Variants in FHIP2B observed in about 807,000 individuals in gnomAD.
FHIP2B encodes FHF complex subunit HOOK-interacting protein 2B.
A neutral mutation model predicts 84.0 loss-of-function variants in FHIP2B; 72 were observed. The observed-to-expected ratio is 0.86, with a 90% CI of 0.71 to 1.04. FHIP2B has a LOEUF of 1.04. FHIP2B is among the 50% of genes least tolerant of loss of function. The pLI, the probability that FHIP2B is intolerant of heterozygous loss-of-function variation, is 0.00. For synonymous variants in FHIP2B, 497 were observed against 418.7 expected, an observed-to-expected ratio of 1.19 and a Z score of -2.28; for missense variants, 972 against 968.9, an observed-to-expected ratio of 1.00 and a Z score of -0.04.
At position 22,101,729 on chromosome 8, in the gene FHIP2B, G is replaced by T. The variant is rs376452168; in HGVS notation, c.1729G>T (p.Val577Phe). The T allele has an allele frequency of 6.2e-7, 1 of 1,612,316 alleles. No individual in the cohort carries two copies. Among genetic ancestry groups the T allele is most frequent in the African/African-American group, 1.3e-5 (1 of 74,860 alleles). ...YGLFQECSSR[V>F]ASWGWPLTPT... ...TCAGTTCCAGGAGTGCAGCTCCCGC[G>T]TCGCCTCCTGGGGCTGGCCTCTGAC... Residue 577 changes from valine to phenylalanine, a missense_variant, in exon 14 of 17, where the codon GTC becomes TTC. Physicochemically the swap from Val to Phe is conservative, Grantham distance 50. Transcript: ENST00000289921.
intron 5 of FHIP2B, 79 bp from the exon 6 acceptor site, chr8:22,097,989 C>T (rs1825874240): frequency 1.3e-6 from 2 of 1,526,974 alleles, no homozygotes; most frequent in East Asian, 2.3e-5. Flanking sequence ...GCCCTGCTGG[C>T]AGCCCACCCT....
chr8:22,098,342 T>A (rs1354911299), intron 6 of FHIP2B, 32 bp downstream of exon 6: 1 of 280,344 alleles, frequency 3.6e-6, no homozygotes, highest in African/African-American at 5.7e-5. Context: ...AGGTTGGGGG[T>A]GGGGGAAGGG....
At chr8:22,102,126 T>C in intron 14 of FHIP2B, 49 bp from the exon 15 acceptor site, 1 of 1,612,150 alleles carries the variant, frequency 6.2e-7, no homozygotes, top group Non-Finnish European at 8.5e-7. Context: ...AGTGCAAAAA[T>C]ACTCACCAGC....
At chr8:22,091,311 G>C (rs1825481210) in intron 1 of FHIP2B, among the ~76,000 whole-genome samples, 1 of 150,956 alleles carries the variant, frequency 6.6e-6, no homozygotes, top group African/African-American at 2.4e-5. Context: ...GAGTGCAGTG[G>C]GGCGATCTCA....
At chr8:22,093,086 CAGAG>C (rs1488567631) in intron 1 of FHIP2B, among the ~76,000 whole-genome samples, 2 of 152,002 alleles carry the variant, frequency 1.3e-5, no homozygotes, top group Non-Finnish European at 2.9e-5. Flanking sequence ...AGTGTGAGGT[CAGAG>C]AGGTGTGGGC....
Position 22,103,290 on chromosome 8 carries a change from T to TG in FHIP2B, c.*363dup. On this transcript the variant is annotated 3_prime_UTR_variant, in exon 17 of 17. Transcript: ENST00000289921. ...CTGTGACTCAACTCCAGGGGCAAGA[T>TG]GGGGAGTGAGCTGATGGCTCCGAGA... 4.3e-6 allele frequency: 1 copy of TG among 233,528 alleles called. No homozygotes were observed. Among genetic ancestry groups the TG allele is most frequent in the East Asian group, 1.1e-4 (1 of 9,066 alleles). The allele number at this position is 233,528 out of a possible 1,614,324, so 14.5% of individuals were successfully genotyped here.
chr8:22,096,213 C>G, intron 2 of FHIP2B, 124 bp from the exon 3 acceptor site: 1 of 921,204 alleles, frequency 1.1e-6, no homozygotes, highest in Non-Finnish European at 1.6e-6. Context: ...TTGCCAGCAG[C>G]TGTCTTCCCC....
chr8:22,093,706 G>GTTTTTTTTTTT (rs1328224891), intron 1 of FHIP2B, among the ~76,000 whole-genome samples: 2 of 36,212 alleles, frequency 5.5e-5, no homozygotes, highest in Non-Finnish European at 9.8e-5. Flanking sequence ...GAAAAGCTTT[G>GTTTTTTTTTTT]TCTTTTTTTT....
chr8:22,096,476 C>CT lies in FHIP2B; in HGVS notation c.264_265insT (p.Leu89SerfsTer89). 6.4e-7 allele frequency: 1 copy of CT among 1,552,978 alleles called. No homozygotes were observed. The highest frequency in any genetic ancestry group is 8.7e-7 in the Non-Finnish European group (1 of 1,148,332). ...TGGAGTACCTGCTGCAGCACAAGAT[C>CT]CTGGAGACTCTCTGCACGCTGGGCA... is the stretch of plus-strand genomic sequence containing the variant. On this transcript the variant is annotated frameshift_variant, in exon 3 of 17. Transcript: ENST00000289921. LOFTEE classifies it high-confidence loss of function.
chr8:22,099,312 TGG>T lies in FHIP2B; in HGVS notation c.1104_1105del (p.Ala369Ter). ...GTTGCGGACGCCTTGGCGAAGGCTG[TGG>T]CTGAGAACTTCTTCGTGGAGACCCT... On this transcript the variant is annotated frameshift_variant, in exon 9 of 17. Transcript: ENST00000289921. LOFTEE classifies it high-confidence loss of function. The T allele has an allele frequency of 6.2e-7, 1 of 1,613,820 alleles. No homozygotes were observed. The highest frequency in any genetic ancestry group is 8.5e-7 in the Non-Finnish European group (1 of 1,179,850).
At position 22,096,593 on chromosome 8, in the gene FHIP2B, C is replaced by T. The variant is rs143960605; in HGVS notation, c.297+84C>T. On this transcript the variant is annotated intron_variant, in intron 3 of 16. Transcript: ENST00000289921. The stretch of plus-strand genomic sequence containing the variant: ...CAGGCCGAGGTGGGAGGCCTCTGTG[C>T]GCTGGGCCAGGCCGAGGTGGGAGAC... 3,842 of 1,408,174 alleles carry T rather than the reference C, an allele frequency of 2.7e-3. 8 individuals carry two copies. The highest frequency in any genetic ancestry group is 3.6e-3 in the Admixed American group (120 of 33,214). 87.2% of individuals were successfully genotyped at this position (1,408,174 alleles called of 1,614,324 possible).
chr8:22,091,729 C>T (rs1165665865), intron 1 of FHIP2B, among the ~76,000 whole-genome samples: 1 of 152,120 alleles, frequency 6.6e-6, no homozygotes, highest in Non-Finnish European at 1.5e-5. Context: ...TGGTTAAAGC[C>T]CAGCTCAAGG....
rs75500526 is a variant in FHIP2B, at chr8:22,092,689, G to A, written c.46-1751G>A. 1.5e-4 allele frequency among the ~76,000 whole-genome samples: 22 copies of A among 151,218 alleles called. No individual in the cohort carries two copies. In the South Asian group the frequency reaches 4.2e-3, roughly 29 times the overall value. On this transcript the variant is annotated intron_variant, in intron 1 of 16. Coordinates refer to ENST00000289921, the MANE Select transcript of FHIP2B (RefSeq NM_022749.7). The stretch of plus-strand genomic sequence containing the variant: ...TTGGCATTAGAGACTCCGAAGTCTC[G>A]CCAGCCCACCCCTTCCCCAGGCACA...
chr8:22,090,345 T>C (rs180679013), intron 1 of FHIP2B, among the ~76,000 whole-genome samples: 9 of 152,288 alleles, frequency 5.9e-5, no homozygotes, highest in Admixed American at 1.3e-4. Context: ...GGAGCTCCTG[T>C]TGAAAGAAGT....
At chr8:22,092,515 A>G (rs979971899) in intron 1 of FHIP2B, among the ~76,000 whole-genome samples, 18 of 149,494 alleles carry the variant, frequency 1.2e-4, no homozygotes, top group African/African-American at 4.4e-4. Flanking sequence ...CGGAGGTTAC[A>G]GTGAGCTGAG....
At chr8:22,094,733 C>G (rs1163955824) in intron 2 of FHIP2B, 1 of 1,360,356 alleles carries the variant, frequency 7.4e-7, no homozygotes, top group Middle Eastern at 1.9e-4. Flanking sequence ...CCACTCTGAC[C>G]TTTTGGAAAG....
intron 1 of FHIP2B, among the ~76,000 whole-genome samples, chr8:22,093,008 G>A (rs1025455194): frequency 3.3e-5 from 5 of 152,158 alleles, no homozygotes; most frequent in Admixed American, 6.5e-5. Flanking sequence ...ATAGTGTCTT[G>A]TACATAGTGG....
Position 22,100,615 on chromosome 8 carries a change from C to T in FHIP2B, c.1363C>T (p.Leu455=), listed in dbSNP as rs997758099. The T allele has an allele frequency of 6.3e-7, 1 of 1,576,142 alleles. No homozygotes were observed. The highest frequency in any genetic ancestry group is 1.4e-5 in the African/African-American group (1 of 73,874). Residue 455 remains leucine (L), a synonymous_variant, in exon 11 of 17, where the codon CTG becomes TTG. Transcript: ENST00000289921. ...CCAGATCAGCATCACCACACTCCGG[C>T]TGTTTGAGGAGCTGCTGCAGAAGCC... ...SDEISITTLR[L]FEELLQKPHE...
chr8:22,094,640 C>A, intron 2 of FHIP2B, 122 bp downstream of exon 2: 1 of 1,536,310 alleles, frequency 6.5e-7, no homozygotes, highest in Non-Finnish European at 8.7e-7. Flanking sequence ...GAATTGGAGC[C>A]GAGTTCACGG....
Sources: gnomAD v4.1 joint callset for allele counts (sites outside exome capture counted in the v4.1 genomes callset) on GRCh38, gnomAD v4.1.1 for gene constraint, MANE v1.5 for transcripts, NCBI Gene and HGNC (gene_info 2026-07-23, HGNC 2026-07-21) for gene names.